TSC1: variants seen among roughly 807,000 people sequenced by gnomAD.
TSC1 encodes TSC complex subunit 1.
A neutral mutation model predicts 124.3 loss-of-function variants in TSC1; 20 were observed. The observed-to-expected ratio is 0.16, with a 90% CI of 0.11 to 0.23. TSC1 has a LOEUF of 0.23. Among genes scored for constraint, TSC1 ranks in the 10% least tolerant of loss-of-function variants. TSC1 has a pLI of 1.00. For missense variants in TSC1, 1,124 were observed against 1,448.5 expected, an observed-to-expected ratio of 0.78 and a Z score of 3.64; for synonymous variants, 493 against 539.1, an observed-to-expected ratio of 0.91 and a Z score of 1.19.
intron 8 of TSC1, among the ~76,000 whole-genome samples, chr9:132,914,910 T>G (rs763582024): frequency 6.6e-6 from 1 of 151,722 alleles, no homozygotes; most frequent in Non-Finnish European, 1.5e-5. Flanking sequence ...GCATGGTGGC[T>G]CACACCTGTA....
At chr9:132,931,260 C>T (rs534028156) in intron 2 of TSC1, 11 of 152,218 alleles carry the variant, frequency 7.2e-5, no homozygotes, top group South Asian at 2.1e-4. Context: ...AGTCAGAAGA[C>T]GATAATGTCA....
chr9:132,924,309 T>C (rs73552865), intron 5 of TSC1, among the ~76,000 whole-genome samples: 221 of 152,334 alleles, frequency 1.5e-3, no homozygotes, highest in African/African-American at 4.1e-3. Flanking sequence ...TTATTCCTAT[T>C]AGAATAGGAA....
chr9:132,917,047 A>G (rs1475653519), intron 8 of TSC1, among the ~76,000 whole-genome samples: 1 of 152,202 alleles, frequency 6.6e-6, no homozygotes, highest in Non-Finnish European at 1.5e-5. Flanking sequence ...TGGCTATAGA[A>G]TTCTAGTTGA....
intron 4 of TSC1, chr9:132,925,964 G>A (rs1017437959): frequency 1.7e-5 from 10 of 581,940 alleles, no homozygotes; most frequent in Non-Finnish European, 2.4e-5. Context: ...CATGAAAAAG[G>A]ACCCTACAAT....
intron 8 of TSC1, among the ~76,000 whole-genome samples, chr9:132,918,750 C>A (rs1223659796): frequency 6.6e-6 from 1 of 152,134 alleles, no homozygotes; most frequent in East Asian, 1.9e-4. Context: ...AATACCGACA[C>A]CACTATTTCC....
At chr9:132,944,481 T>C (rs1162091264) in intron 1 of TSC1, 62 bp downstream of exon 1, 3 of 397,766 alleles carry the variant, frequency 7.5e-6, no homozygotes, top group African/African-American at 2.1e-5. Flanking sequence ...GCTGGAGTCA[T>C]GGTGCCGGGG....
rs777270810 is a variant in TSC1, at chr9:132,893,689, G to A, written c.*2546C>T. 4 of 233,088 alleles carry A rather than the reference G, an allele frequency of 1.7e-5. No homozygotes were observed. Among genetic ancestry groups the A allele is most frequent in the African/African-American group, 6.6e-5 (3 of 45,328 alleles). The allele number at this position is 233,088 out of a possible 1,614,324, so 14.4% of individuals were successfully genotyped here. A position where few individuals can be genotyped will look rare whatever the true frequency, so the allele number is the denominator to read the frequency against. On this transcript the variant is annotated 3_prime_UTR_variant, in exon 23 of 23. Coordinates refer to ENST00000298552, the MANE Select transcript of TSC1 (RefSeq NM_000368.5). ...GCTGAGACAGGTATGCTCACCCATA[G>A]TGATTTCTGGATGGAGGCCATCCAA...
Position 132,927,225 on chromosome 9 carries a change from G to C in TSC1, c.186C>G (p.Thr62=), listed in dbSNP as rs1554820640. The C allele has an allele frequency of 6.2e-7, 1 of 1,613,840 alleles. No individual in the cohort carries two copies. The highest frequency in any genetic ancestry group is 1.3e-5 in the African/African-American group (1 of 74,884). The stretch of plus-strand genomic sequence containing the variant: ...CCTTGTCATGTGGCTCTTGCAAGGT[G>C]GTCAGGATGTGCAATGCCGGCTGAG... ...TSSQPALHIL[T]TLQEPHDKHL... The change falls in exon 4 of 23, where the codon ACC becomes ACG. Residue 62 remains threonine (T), a synonymous_variant. Coordinates refer to ENST00000298552, the MANE Select transcript of TSC1 (RefSeq NM_000368.5).
Position 132,894,082 on chromosome 9 carries a change from T to C in TSC1, c.*2153A>G, listed in dbSNP as rs1321513125. The stretch of plus-strand genomic sequence containing the variant: ...CCTGAGCTTGGAGCCACATTTGTTA[T>C]AAAGCTGAGTAAAAGGACACCCAGG... On this transcript the variant is annotated 3_prime_UTR_variant, in exon 23 of 23. Coordinates refer to ENST00000298552, the MANE Select transcript of TSC1 (RefSeq NM_000368.5). 2 of 233,542 alleles carry C rather than the reference T, an allele frequency of 8.6e-6. No individual in the cohort carries two copies. The highest frequency in any genetic ancestry group is 1.7e-5 in the Non-Finnish European group (2 of 118,038). The allele number at this position is 233,542 out of a possible 1,614,324, so 14.5% of individuals were successfully genotyped here.
At chr9:132,918,179 G>A (rs1035824249) in intron 8 of TSC1, among the ~76,000 whole-genome samples, 1 of 152,206 alleles carries the variant, frequency 6.6e-6, no homozygotes, top group Non-Finnish European at 1.5e-5. Flanking sequence ...GAGGAGAACA[G>A]GAGAGAGGGA....
Position 132,923,268 on chromosome 9 carries a change from C to A in TSC1, c.508+80G>T, listed in dbSNP as rs1846662731. ...AGCTATAAAAGTCTACATGTCCATTCCTTACAGCATATGAGCAATTAATCA... is the reference window on the plus strand; with the variant it reads ...AGCTATAAAAGTCTACATGTCCATTACTTACAGCATATGAGCAATTAATCA... On this transcript the variant is annotated intron_variant, in intron 6 of 22. Coordinates refer to ENST00000298552, the MANE Select transcript of TSC1 (RefSeq NM_000368.5). This position sits in a 1 kb window ranked among gnomAD's most constrained non-coding sequence, Gnocchi z 4.2. 4.5e-6 allele frequency: 7 copies of A among 1,571,718 alleles called. No homozygotes were observed. The Admixed American group carries it at 1.1e-4, about 24-fold the overall frequency.
Position 132,923,833 on chromosome 9 carries a change from C to T in TSC1, c.364-341G>A, listed in dbSNP as rs1309892317. 1 of 254,672 alleles carries T rather than the reference C, an allele frequency of 3.9e-6. No homozygotes were observed. Among genetic ancestry groups the T allele is most frequent in the Non-Finnish European group, 7.7e-6 (1 of 129,654 alleles). The allele number at this position is 254,672 out of a possible 1,614,324, so 15.8% of individuals were successfully genotyped here. ...AGCAGTTGGATGAAAACAAAAGGAGCTGCTTTTCAACAAAACACAGGAGCA... is the reference window on the plus strand; with the variant it reads ...AGCAGTTGGATGAAAACAAAAGGAGTTGCTTTTCAACAAAACACAGGAGCA... On this transcript the variant is annotated intron_variant, in intron 5 of 22. Transcript: ENST00000298552. The surrounding 1 kb of genome is among the most constrained non-coding windows in gnomAD (Gnocchi z 4.2).
Position 132,894,564 on chromosome 9 carries a change from A to C in TSC1, c.*1671T>G, listed in dbSNP as rs1041033864. The C allele has an allele frequency of 4.4e-6, 1 of 228,116 alleles. No homozygotes were observed. The highest frequency in any genetic ancestry group is 2.2e-5 in the African/African-American group (1 of 45,056). The allele number at this position is 228,116 out of a possible 1,614,324, so 14.1% of individuals were successfully genotyped here. Reference sequence around the variant, plus strand: ...TGAGTAGTTGGGACCACGCCCTGCCACAGGCTGGGAATCAGTCACACCCAG... The same window carrying C: ...TGAGTAGTTGGGACCACGCCCTGCCCCAGGCTGGGAATCAGTCACACCCAG... On this transcript the variant is annotated 3_prime_UTR_variant, in exon 23 of 23. Transcript: ENST00000298552.
upstream of TSC1, among the ~76,000 whole-genome samples, chr9:132,945,026 C>T (rs1848018836): frequency 6.6e-6 from 1 of 152,078 alleles, no homozygotes; most frequent in South Asian, 2.1e-4. Flanking sequence ...TTGGAGCGCC[C>T]TGCCCCTGCC....
Position 132,908,901 on chromosome 9 carries a change from C to CTTTTTTTTTTTTTTTTTTTTTTT in TSC1, c.1264-1532_1264-1531insAAAAAAAAAAAAAAAAAAAAAAA, listed in dbSNP as rs35234317. ...TTAAAACCCACTAGTCTACCTTGCA[C>CTTTTTTTTTTTTTTTTTTTTTTT]TTTTTTTTTTTTTTTTTGTGACAGT... On this transcript the variant is annotated intron_variant, in intron 12 of 22. Transcript: ENST00000298552. Among the ~76,000 whole-genome samples the CTTTTTTTTTTTTTTTTTTTTTTT allele has an allele frequency of 1.2e-3, 143 of 121,482 alleles. 10 individuals are homozygous for CTTTTTTTTTTTTTTTTTTTTTTT. Among genetic ancestry groups the CTTTTTTTTTTTTTTTTTTTTTTT allele is most frequent in the South Asian group, 4.3e-3 (17 of 3,926 alleles). 79.7% of individuals were successfully genotyped at this position (121,482 alleles called of 152,430 possible).
At position 132,897,614 on chromosome 9, in the gene TSC1, A is replaced by G. The variant is rs777386691; in HGVS notation, c.2626-4T>C. 24 of 548,620 alleles carry G rather than the reference A, an allele frequency of 4.4e-5. No individual in the cohort carries two copies. The highest frequency in any genetic ancestry group is 3.6e-4 in the African/African-American group (8 of 22,416). The allele number at this position is 548,620 out of a possible 1,614,324, so 34.0% of individuals were successfully genotyped here. A position where few individuals can be genotyped will look rare whatever the true frequency, so the allele number is the denominator to read the frequency against. On this transcript the variant is annotated splice_region_variant and splice_polypyrimidine_tract_variant and intron_variant, in intron 20 of 22. Transcript: ENST00000298552. ...CGGCTTTCATCATTTCTACTTCCTGAAAAAAAAAAAAAAAAAAGACTGGAA... is the reference window on the plus strand; with the variant it reads ...CGGCTTTCATCATTTCTACTTCCTGGAAAAAAAAAAAAAAAAAGACTGGAA...
Position 132,928,786 on chromosome 9 carries a change from A to G in TSC1, c.87T>C (p.Phe29=), listed in dbSNP as rs745384145. 1.8e-5 allele frequency: 29 copies of G among 1,614,056 alleles called. No homozygotes were observed. The highest frequency in any genetic ancestry group is 2.2e-5 in the Non-Finnish European group (26 of 1,180,018). The change falls in exon 3 of 23, where the codon TTT becomes TTC. Residue 29 remains phenylalanine (F), a synonymous_variant. Transcript: ENST00000298552. ...LGVRDDVTAV[F]KENLNSDRGP... ...GCTAACCAGAATTGAGGTTCTCTTT[A>G]AAGACAGCTGTCACGTCGTCCCGCA...
In TSC1 at chr9:132,905,565, T is replaced by C. The variant is rs755582593; in HGVS notation, c.1997+16A>G. The C allele has an allele frequency of 3.1e-6, 5 of 1,613,406 alleles. No homozygotes were observed. Among genetic ancestry groups the C allele is most frequent in the Non-Finnish European group, 4.2e-6 (5 of 1,180,006 alleles). ...ATGGACCATTTAACACAGAAGAGAG[T>C]GCCCCAGTCCCTTACTTGTTCAGCT... On this transcript the variant is annotated intron_variant, in intron 15 of 22. Coordinates refer to ENST00000298552, the MANE Select transcript of TSC1 (RefSeq NM_000368.5).
chr9:132,917,096 T>C (rs1846303475), intron 8 of TSC1, among the ~76,000 whole-genome samples: 2 of 152,250 alleles, frequency 1.3e-5, no homozygotes, highest in Non-Finnish European at 2.9e-5. Context: ...TTTCAGAAGC[T>C]AACAGCATTC....
Sources: allele counts gnomAD v4.1 joint callset (sites outside exome capture counted in the v4.1 genomes callset), GRCh38; gene constraint gnomAD v4.1.1; non-coding constraint Gnocchi (gnomAD v3.1); transcripts MANE v1.5; gene names NCBI Gene and HGNC (gene_info 2026-07-23, HGNC 2026-07-21).